Variants in CCDC148 observed in about 807,000 individuals in gnomAD.
The protein encoded by CCDC148 is coiled-coil domain-containing protein 148.
A neutral mutation model predicts 85.7 loss-of-function variants in CCDC148; 89 were observed. That is an observed-to-expected ratio of 1.04 (90% CI 0.87 to 1.24). The LOEUF is 1.24. Among genes scored for constraint, CCDC148 ranks in the 50% most tolerant of loss-of-function variants. The pLI is 0.00. For synonymous variants in CCDC148, 230 were observed against 213.9 expected, an observed-to-expected ratio of 1.08 and a Z score of -0.66; for missense variants, 692 against 671.7, an observed-to-expected ratio of 1.03 and a Z score of -0.33.
At chr2:158,348,147 A>C (rs1298568373) in intron 2 of CCDC148, among the ~76,000 whole-genome samples, 1 of 152,106 alleles carries the variant, frequency 6.6e-6, no homozygotes, top group East Asian at 1.9e-4. Flanking sequence ...CTATATTGGC[A>C]AAAGTATAAA....
intron 1 of CCDC148, among the ~76,000 whole-genome samples, chr2:158,364,530 T>C (rs1684114492): frequency 6.6e-6 from 1 of 152,202 alleles, no homozygotes; most frequent in Non-Finnish European, 1.5e-5. Context: ...ATCTGATCTT[T>C]GACAAACCTG....
chr2:158,416,767 C>T (rs997881328), intron 1 of CCDC148, among the ~76,000 whole-genome samples: 4 of 152,210 alleles, frequency 2.6e-5, no homozygotes, highest in Non-Finnish European at 5.9e-5. Context: ...GTTTCAAAGT[C>T]ACTTCCACAT....
chr2:158,431,526 C>T (rs77076177), intron 1 of CCDC148, among the ~76,000 whole-genome samples: 11,377 of 150,422 alleles, frequency 0.076, 574 homozygotes, highest in Middle Eastern at 0.12. Context: ...ATCCTACACA[C>T]GCTGTGAAAT....
At chr2:158,438,684 A>T (rs57650846) in intron 1 of CCDC148, among the ~76,000 whole-genome samples, 1 of 152,054 alleles carries the variant, frequency 6.6e-6, no homozygotes, top group Admixed American at 6.5e-5. Flanking sequence ...CAGAGTGAAC[A>T]GGCAACCTAC....
At chr2:158,201,564 C>A (rs556309500) in intron 11 of CCDC148, among the ~76,000 whole-genome samples, 14 of 152,110 alleles carry the variant, frequency 9.2e-5, no homozygotes, top group South Asian at 2.1e-4. Flanking sequence ...TATACGCCAC[C>A]AACTCTGGCT....
Position 158,360,424 on chromosome 2 carries a change from C to G in CCDC148, c.26-1854G>C, listed in dbSNP as rs1163270180. On this transcript the variant is annotated intron_variant, in intron 1 of 13. Coordinates refer to ENST00000283233, the MANE Select transcript of CCDC148 (RefSeq NM_138803.4). ...GACAGACATCTCATACAGGAGAGCT[C>G]CAGCTGGCATCTGGTGGGTGGCCCC... Among the ~76,000 whole-genome samples the G allele has an allele frequency of 3.3e-5, 5 of 152,254 alleles. No individual in the cohort carries two copies. The East Asian group carries it at 9.7e-4, about 29-fold the overall frequency.
chr2:158,367,372 T>C (rs1352462830), intron 1 of CCDC148, among the ~76,000 whole-genome samples: 1 of 152,172 alleles, frequency 6.6e-6, no homozygotes, highest in Non-Finnish European at 1.5e-5. Context: ...CTTTATCTCA[T>C]AGGAGACCTC....
chr2:158,203,595 TA>T (rs1365727267), intron 11 of CCDC148, among the ~76,000 whole-genome samples: 5 of 152,204 alleles, frequency 3.3e-5, no homozygotes, highest in African/African-American at 1.2e-4. Context: ...AAAAGTTTGT[TA>T]GGAGAAAGAT....
At chr2:158,386,782 C>T (rs1685103935) in intron 1 of CCDC148, among the ~76,000 whole-genome samples, 1 of 152,132 alleles carries the variant, frequency 6.6e-6, no homozygotes, top group Non-Finnish European at 1.5e-5. Context: ...ATTTTCCCCT[C>T]ATCCTTCCCA....
At chr2:158,314,794 A>G (rs17202422) in intron 7 of CCDC148, among the ~76,000 whole-genome samples, 47,266 of 152,122 alleles carry the variant, frequency 0.31, 8,142 homozygotes, top group Middle Eastern at 0.45. Context: ...TTAATCCAAG[A>G]GGATACTTGT....
At chr2:158,225,901 G>A (rs1687490041) in intron 10 of CCDC148, among the ~76,000 whole-genome samples, 2 of 152,010 alleles carry the variant, frequency 1.3e-5, no homozygotes, top group Admixed American at 6.6e-5. Context: ...AAGAACTAGA[G>A]AAGCAAGAGC....
intron 1 of CCDC148, chr2:158,393,285 T>C (rs897927296): frequency 6.6e-6 from 1 of 152,116 alleles, no homozygotes; most frequent in Non-Finnish European, 1.5e-5. Flanking sequence ...TGGATCATCT[T>C]GTACTCTACA....
intron 11 of CCDC148, among the ~76,000 whole-genome samples, chr2:158,214,726 G>T (rs538203785): frequency 6.6e-6 from 1 of 152,046 alleles, no homozygotes; most frequent in South Asian, 2.1e-4. Context: ...AGAGCTTACT[G>T]AAGGAAACTT....
chr2:158,370,079 A>T (rs1282845617), intron 1 of CCDC148, among the ~76,000 whole-genome samples: 1 of 152,076 alleles, frequency 6.6e-6, no homozygotes, highest in Non-Finnish European at 1.5e-5. Flanking sequence ...TATTTTATTG[A>T]GGATTTTTAC....
intron 10 of CCDC148, among the ~76,000 whole-genome samples, chr2:158,224,837 C>T (rs13383993): frequency 0.024 from 3,590 of 152,174 alleles, 125 homozygotes; most frequent in African/African-American, 0.077. Flanking sequence ...CGGTACCAGC[C>T]ACTGCAAAAA....
At chr2:158,337,335 C>A (rs571855812) in intron 7 of CCDC148, among the ~76,000 whole-genome samples, 5 of 152,124 alleles carry the variant, frequency 3.3e-5, no homozygotes, top group Non-Finnish European at 7.4e-5. Context: ...TTCACAGCTA[C>A]AGTTTATCAG....
intron 9 of CCDC148, among the ~76,000 whole-genome samples, chr2:158,280,742 C>T (rs1574536345): frequency 6.6e-6 from 1 of 152,150 alleles, no homozygotes; most frequent in African/African-American, 2.4e-5. Flanking sequence ...AACAAGGATA[C>T]CCAGGAATTG....
intron 9 of CCDC148, among the ~76,000 whole-genome samples, chr2:158,287,123 A>C (rs1690663600): frequency 6.6e-6 from 1 of 152,174 alleles, no homozygotes; most frequent in Non-Finnish European, 1.5e-5. Context: ...AGACTTATTC[A>C]CCATCACGAG....
chr2:158,296,825 A>T (rs1007902995), intron 9 of CCDC148, among the ~76,000 whole-genome samples: 7 of 152,222 alleles, frequency 4.6e-5, no homozygotes, highest in Non-Finnish European at 1.0e-4. Flanking sequence ...CAAGTCCTCG[A>T]ACCCTGGGAA....
Sources: allele counts gnomAD v4.1 joint callset (sites outside exome capture counted in the v4.1 genomes callset), GRCh38; gene constraint gnomAD v4.1.1; transcripts MANE v1.5; gene names NCBI Gene and HGNC (gene_info 2026-07-23, HGNC 2026-07-21).